ZHX2: variants seen among roughly 807,000 people sequenced by gnomAD.
ZHX2 encodes the protein zinc fingers and homeoboxes 2.
ZHX2 carries 6 observed loss-of-function variants against 21.9 expected under a neutral mutation model. That is an observed-to-expected ratio of 0.27 (90% CI 0.15 to 0.54). The LOEUF is 0.54. ZHX2 is among the 20% of genes least tolerant of loss of function. ZHX2 has a pLI of 0.95. For missense variants in ZHX2, 908 were observed against 1,090.7 expected, an observed-to-expected ratio of 0.83 and a Z score of 2.36; for synonymous variants, 434 against 437.1, an observed-to-expected ratio of 0.99 and a Z score of 0.09.
chr8:122,844,692 A>G (rs1003768621), intron 1 of ZHX2, among the ~76,000 whole-genome samples: 1 of 152,112 alleles, frequency 6.6e-6, no homozygotes, highest in Non-Finnish European at 1.5e-5. Flanking sequence ...CTTTATGACT[A>G]CTATTTCTCA....
intron 2 of ZHX2, among the ~76,000 whole-genome samples, chr8:122,926,256 C>T (rs1192281620): frequency 6.6e-6 from 1 of 152,188 alleles, no homozygotes. Flanking sequence ...AAAAGCTCCT[C>T]TGTTGATGCC....
intron 2 of ZHX2, among the ~76,000 whole-genome samples, chr8:122,947,229 C>T (rs758186239): frequency 8.6e-5 from 13 of 151,238 alleles, no homozygotes; most frequent in Admixed American, 2.0e-4. Context: ...CGTGCCATTG[C>T]ACTCCAGCCT....
At chr8:122,824,482 T>C (rs1361354074) in intron 1 of ZHX2, among the ~76,000 whole-genome samples, 1 of 152,204 alleles carries the variant, frequency 6.6e-6, no homozygotes, top group Admixed American at 6.5e-5. Context: ...CTGTTCTCTG[T>C]CAACCCTCGC....
intron 1 of ZHX2, among the ~76,000 whole-genome samples, chr8:122,831,328 G>A (rs1339772025): frequency 6.6e-6 from 1 of 152,206 alleles, no homozygotes; most frequent in African/African-American, 2.4e-5. Context: ...GGCAGATAGA[G>A]CAGGACTGGG....
chr8:122,850,864 A>T (rs1029850113), intron 1 of ZHX2, among the ~76,000 whole-genome samples: 1 of 151,842 alleles, frequency 6.6e-6, no homozygotes, highest in Admixed American at 6.6e-5. Flanking sequence ...CTCAGAGCAA[A>T]AGCCAAGTCC....
intron 2 of ZHX2, among the ~76,000 whole-genome samples, chr8:122,901,628 G>A (rs77678313): frequency 1.3e-5 from 2 of 152,178 alleles, no homozygotes; most frequent in African/African-American, 2.4e-5. Context: ...CCACTTGTAC[G>A]TGCAGATCTG....
chr8:122,867,310 T>C (rs903662768), intron 2 of ZHX2, among the ~76,000 whole-genome samples: 3 of 152,216 alleles, frequency 2.0e-5, no homozygotes, highest in East Asian at 1.9e-4. Flanking sequence ...CTGCAGGCAG[T>C]TGAGCCTTCT....
In ZHX2 at chr8:122,952,042, G is replaced by A; in HGVS notation, c.532G>A (p.Gly178Arg). Reference sequence around the variant, plus strand: ...CCCTGGAACTGGTGACAGTGATTCTGGGATCTCGGTGAGTAAAACCCCCAT... The same window carrying A: ...CCCTGGAACTGGTGACAGTGATTCTAGGATCTCGGTGAGTAAAACCCCCAT... ...SGPGTGDSDS[G>R]ISVSKTPIMK... The change falls in exon 3 of 4, where the codon GGG becomes AGG. Residue 178 changes from glycine to arginine, a missense_variant. Around this residue, in one of 4 missense-constraint regions of ZHX2, gnomAD observed 220 missense variants for 251.4 expected, o/e 0.88. Transcript: ENST00000314393. This position sits in a 1 kb window ranked among gnomAD's most constrained non-coding sequence, Gnocchi z 6.9. 4 of 1,613,596 alleles carry A rather than the reference G, an allele frequency of 2.5e-6. No homozygotes were observed. The highest frequency in any genetic ancestry group is 3.4e-6 in the Non-Finnish European group (4 of 1,180,000).
intron 1 of ZHX2, chr8:122,807,803 G>C (rs576156393): frequency 1.6e-4 from 24 of 152,334 alleles, no homozygotes; most frequent in Middle Eastern, 3.4e-3. Context: ...CCGAGGCACT[G>C]GGAGAAGAAG....
chr8:122,792,160 C>G (rs948804897), intron 1 of ZHX2, among the ~76,000 whole-genome samples: 1 of 152,190 alleles, frequency 6.6e-6, no homozygotes, highest in African/African-American at 2.4e-5. Flanking sequence ...CACCTTAGCC[C>G]AAGCCCTACA....
At chr8:122,938,870 C>T (rs972696595) in intron 2 of ZHX2, among the ~76,000 whole-genome samples, 1 of 151,924 alleles carries the variant, frequency 6.6e-6, no homozygotes, top group Non-Finnish European at 1.5e-5. Context: ...GAAGAAGAAT[C>T]GAGATCAAGA....
intron 2 of ZHX2, among the ~76,000 whole-genome samples, chr8:122,911,840 C>T (rs1250099202): frequency 6.6e-6 from 1 of 152,138 alleles, no homozygotes; most frequent in Non-Finnish European, 1.5e-5. Flanking sequence ...TACATTTCAG[C>T]TGACTCCTGA....
At chr8:122,802,086 C>G (rs1332278432) in intron 1 of ZHX2, among the ~76,000 whole-genome samples, 1 of 152,038 alleles carries the variant, frequency 6.6e-6, no homozygotes, top group African/African-American at 2.4e-5. Flanking sequence ...TCTTTTTTGA[C>G]AGAGTCTGAC....
rs1456584614 is a variant in ZHX2 at position 122,890,213 on chromosome 8, CTA to C, written c.-220+26676_-220+26677del. Among the ~76,000 whole-genome samples, 7 of 152,088 alleles carry C rather than the reference CTA, an allele frequency of 4.6e-5. No individual in the cohort carries two copies. In the East Asian group the frequency reaches 1.3e-3, roughly 29 times the overall value. ...TTCCCAGCGCCATTTATTGAAGAGACTATCATTTTCCTGATGTAGGTTCTTGG... is the reference window on the plus strand; with the variant it reads ...TTCCCAGCGCCATTTATTGAAGAGACTCATTTTCCTGATGTAGGTTCTTGG... On this transcript the variant is annotated intron_variant, in intron 2 of 3. Coordinates refer to ENST00000314393, the MANE Select transcript of ZHX2 (RefSeq NM_014943.5).
At chr8:122,843,903 G>A (rs542602168) in intron 1 of ZHX2, among the ~76,000 whole-genome samples, 11 of 152,048 alleles carry the variant, frequency 7.2e-5, no homozygotes, top group African/African-American at 2.4e-4. Context: ...TAATTAGAGA[G>A]GAAATACAGG....
intron 2 of ZHX2, among the ~76,000 whole-genome samples, chr8:122,950,028 C>G (rs1813070158): frequency 6.6e-6 from 1 of 152,088 alleles, no homozygotes; most frequent in East Asian, 1.9e-4. Context: ...CTGGATCCAG[C>G]TGTATAGGCT....
chr8:122,820,658 G>T (rs1023201583), intron 1 of ZHX2, among the ~76,000 whole-genome samples: 3 of 152,136 alleles, frequency 2.0e-5, no homozygotes, highest in Non-Finnish European at 4.4e-5. Flanking sequence ...GATGCATTTG[G>T]GGTGGCAGAA....
At chr8:122,810,743 C>A (rs1467050964) in intron 1 of ZHX2, among the ~76,000 whole-genome samples, 3 of 151,732 alleles carry the variant, frequency 2.0e-5, no homozygotes, top group Non-Finnish European at 4.4e-5. Context: ...AATGGGCACT[C>A]CAAGGAGTGT....
At chr8:122,888,168 G>A (rs1056036805) in intron 2 of ZHX2, among the ~76,000 whole-genome samples, 5 of 152,138 alleles carry the variant, frequency 3.3e-5, no homozygotes, top group African/African-American at 1.2e-4. Flanking sequence ...GGGATCCACA[G>A]AGCTGCCTCT....
Sources: allele counts gnomAD v4.1 joint callset (sites outside exome capture counted in the v4.1 genomes callset), GRCh38; gene constraint gnomAD v4.1.1; regional missense constraint gnomAD v4.1.1; non-coding constraint Gnocchi (gnomAD v3.1); transcripts MANE v1.5; gene names NCBI Gene and HGNC (gene_info 2026-07-23, HGNC 2026-07-21).